PRKCQ: variants seen among roughly 807,000 people sequenced by gnomAD.
The protein encoded by PRKCQ is protein kinase C theta type.
In PRKCQ, 41 loss-of-function variants were observed where a neutral mutation model predicts 91.2. The ratio of observed to expected loss-of-function variants is 0.45; its 90% confidence interval spans 0.35 to 0.58. PRKCQ has a LOEUF of 0.58. Ranked by LOEUF, PRKCQ falls within the 20% of genes least tolerant of loss-of-function variation. The pLI is 0.00. For synonymous variants in PRKCQ, 307 were observed against 316.9 expected (o/e 0.97, Z 0.33); for missense variants, 673 against 896.5 (o/e 0.75, Z 3.18).
intron 12 of PRKCQ, among the ~76,000 whole-genome samples, chr10:6,477,480 C>A (rs1168186074): frequency 1.3e-5 from 2 of 152,222 alleles, no homozygotes; most frequent in African/African-American, 2.4e-5. Flanking sequence ...TTTCCTCATT[C>A]ATTCCCTGGT....
intron 15 of PRKCQ, among the ~76,000 whole-genome samples, chr10:6,446,150 C>T (rs1054945711): frequency 1.3e-5 from 2 of 152,130 alleles, no homozygotes; most frequent in African/African-American, 4.8e-5. Context: ...AAGAACCCCC[C>T]TGAGCTAGGC....
intron 1 of PRKCQ, among the ~76,000 whole-genome samples, chr10:6,553,510 A>AT (rs58719916): frequency 4.1e-5 from 6 of 147,100 alleles, no homozygotes; most frequent in African/African-American, 7.9e-5. Context: ...AAAAAAAAAA[A>AT]AAAAAAACAA....
chr10:6,526,001 A>G (rs972201251), intron 1 of PRKCQ, among the ~76,000 whole-genome samples: 1 of 152,240 alleles, frequency 6.6e-6, no homozygotes, highest in South Asian at 2.1e-4. Context: ...ACTGAATGAG[A>G]TAAGGTATGA....
At chr10:6,566,261 T>C (rs1022597088) in intron 1 of PRKCQ, among the ~76,000 whole-genome samples, 1 of 148,070 alleles carries the variant, frequency 6.8e-6, no homozygotes, top group Admixed American at 6.9e-5. Context: ...TGGTGAAGGG[T>C]TATACATGCC....
At chr10:6,459,789 C>A (rs1671501744) in intron 14 of PRKCQ, among the ~76,000 whole-genome samples, 1 of 152,216 alleles carries the variant, frequency 6.6e-6, no homozygotes, top group Non-Finnish European at 1.5e-5. Context: ...GGGCATGGCC[C>A]TGCCCACATC....
At chr10:6,567,079 A>G (rs757818074) in intron 1 of PRKCQ, among the ~76,000 whole-genome samples, 4 of 152,212 alleles carry the variant, frequency 2.6e-5, no homozygotes, top group Admixed American at 1.3e-4. Context: ...GACTCGGTAC[A>G]TGCTCTCAGG....
intron 4 of PRKCQ, among the ~76,000 whole-genome samples, chr10:6,503,534 G>C (rs941308411): frequency 2.0e-5 from 3 of 152,192 alleles, no homozygotes; most frequent in Non-Finnish European, 4.4e-5. Flanking sequence ...GTCTGTTATG[G>C]AGAGCTGAGC....
the PRKCQ span, among the ~76,000 whole-genome samples, chr10:6,417,546 G>A: frequency 3.3e-5 from 5 of 152,314 alleles, no homozygotes; most frequent in South Asian, 2.1e-4. Flanking sequence ...GAATGCGTGC[G>A]ATCTAAAACG....
chr10:6,534,779 TATATATATATATAG>T (rs1344968378), intron 1 of PRKCQ, among the ~76,000 whole-genome samples: 7 of 49,458 alleles, frequency 1.4e-4, no homozygotes, highest in Admixed American at 3.5e-4. Flanking sequence ...TATATCTATA[TATATATATATATAG>T]ATATATATAT....
At chr10:6,479,767 T>TAAAAAAAAAAAA (rs34610362) in intron 11 of PRKCQ, among the ~76,000 whole-genome samples, 9 of 38,994 alleles carry the variant, frequency 2.3e-4, no homozygotes, top group South Asian at 1.4e-3. Flanking sequence ...CCGTCTCGAC[T>TAAAAAAAAAAAA]AAAAAAAAAA....
the PRKCQ span, among the ~76,000 whole-genome samples, chr10:6,409,347 T>C: frequency 6.6e-6 from 1 of 152,158 alleles, no homozygotes; most frequent in Non-Finnish European, 1.5e-5. Flanking sequence ...CAGGCTGGAG[T>C]GTAATGGCAC....
Position 6,485,155 on chromosome 10 carries a change from T to C in PRKCQ, c.1015A>G (p.Arg339Gly). The change falls in exon 10 of 18, where the codon AGA becomes GGA. Residue 339 changes from arginine (R) to glycine (G), a missense_variant. By Grantham distance (125) the Arg-to-Gly change is moderately radical (BLOSUM62 -2). Transcript: ENST00000263125. Reference sequence around the variant, plus strand: ...GACTGCTGATCAGGACAGCTACCTCTTTTTCCCGGTGTCGGTAAACATGGC... The same window carrying C: ...GACTGCTGATCAGGACAGCTACCTCCTTTTCCCGGTGTCGGTAAACATGGC... ...RPPCLPTPGK[R>G]EPQGISWESP... is the part of the protein sequence containing the mutation. 6.2e-7 allele frequency: 1 copy of C among 1,609,310 alleles called. No individual in the cohort carries two copies. Among genetic ancestry groups the C allele is most frequent in the Admixed American group, 1.7e-5 (1 of 59,950 alleles).
intron 2 of PRKCQ, chr10:6,512,155 T>A (rs1212667938): frequency 6.6e-6 from 1 of 152,230 alleles, no homozygotes; most frequent in Non-Finnish European, 1.5e-5. Context: ...AATATTTACA[T>A]TTTTTTCCAT....
the PRKCQ span, among the ~76,000 whole-genome samples, chr10:6,406,769 C>T: frequency 6.6e-6 from 1 of 152,172 alleles, no homozygotes; most frequent in Admixed American, 6.5e-5. Flanking sequence ...ACCATGGGTA[C>T]TCACTCACCA....
chr10:6,446,755 A>T (rs1454533271), intron 15 of PRKCQ, among the ~76,000 whole-genome samples: 2 of 152,086 alleles, frequency 1.3e-5, no homozygotes, highest in Non-Finnish European at 2.9e-5. Context: ...CCTCATTGTG[A>T]TCTCTTCTTG....
intron 1 of PRKCQ, among the ~76,000 whole-genome samples, chr10:6,566,586 G>T (rs1438844729): frequency 6.6e-6 from 1 of 152,068 alleles, no homozygotes; most frequent in Non-Finnish European, 1.5e-5. Flanking sequence ...GACTAGGTAG[G>T]GTGAATGACA....
At chr10:6,405,522 T>C in the PRKCQ span, among the ~76,000 whole-genome samples, 73 of 152,348 alleles carry the variant, frequency 4.8e-4, no homozygotes, top group Non-Finnish European at 9.6e-4. Context: ...CCAGTGCTAT[T>C]GGCATTTTCA....
At position 6,538,920 on chromosome 10, in the gene PRKCQ, C is replaced by T. The variant is rs575197156; in HGVS notation, c.-9-23776G>A. On this transcript the variant is annotated intron_variant, in intron 1 of 17. Transcript: ENST00000263125. ...CTGGGACTACAGGTGCGCCCCACCA[C>T]GCCCAGCTAATTTTTTGTATTTTAG... is the stretch of plus-strand genomic sequence containing the variant. Among the ~76,000 whole-genome samples the T allele has an allele frequency of 4.6e-5, 7 of 152,270 alleles. No individual in the cohort carries two copies. In the East Asian group the frequency reaches 5.8e-4, roughly 13 times the overall value.
intron 12 of PRKCQ, among the ~76,000 whole-genome samples, chr10:6,468,251 G>C (rs541754202): frequency 5.1e-4 from 77 of 152,326 alleles, no homozygotes; most frequent in Non-Finnish European, 1.1e-3. Context: ...TTAGTAAAGG[G>C]TGAATTGTAA....
Sources: gnomAD v4.1 joint callset for allele counts (sites outside exome capture counted in the v4.1 genomes callset) on GRCh38, gnomAD v4.1.1 for gene constraint, MANE v1.5 for transcripts, NCBI Gene and HGNC (gene_info 2026-07-23, HGNC 2026-07-21) for gene names.